POLR3B: variants seen among roughly 807,000 people sequenced by gnomAD.
POLR3B encodes the protein RNA polymerase III subunit B.
POLR3B carries 96 observed loss-of-function variants against 147.4 expected under a neutral mutation model. The ratio of observed to expected loss-of-function variants is 0.65; its 90% confidence interval spans 0.55 to 0.77. The LOEUF is 0.77. Ranked by LOEUF, POLR3B falls within the 30% of genes least tolerant of loss-of-function variation. POLR3B has a pLI of 0.00. For missense variants in POLR3B, 1,036 were observed against 1,413.5 expected, an observed-to-expected ratio of 0.73 and a Z score of 4.28; for synonymous variants, 461 against 485.9, an observed-to-expected ratio of 0.95 and a Z score of 0.67.
chr12:106,464,201 C>T (rs11113003), intron 23 of POLR3B, among the ~76,000 whole-genome samples: 21,494 of 152,126 alleles, frequency 0.14, 1,923 homozygotes, highest in Non-Finnish European at 0.2. Flanking sequence ...CTCACTCATT[C>T]CTTTGATGGT....
At chr12:106,405,275 A>G (rs2037135064) in intron 10 of POLR3B, among the ~76,000 whole-genome samples, 1 of 152,108 alleles carries the variant, frequency 6.6e-6, no homozygotes, top group Non-Finnish European at 1.5e-5. Flanking sequence ...AAGCCTGCTA[A>G]GCGTATAATG....
intron 10 of POLR3B, among the ~76,000 whole-genome samples, chr12:106,401,658 A>T (rs551527372): frequency 6.6e-6 from 1 of 152,256 alleles, no homozygotes; most frequent in Non-Finnish European, 1.5e-5. Flanking sequence ...CTGGTTCAAC[A>T]TACACAAATC....
intron 22 of POLR3B, among the ~76,000 whole-genome samples, chr12:106,460,773 C>T (rs766805130): frequency 1.8e-4 from 27 of 152,186 alleles, no homozygotes; most frequent in Non-Finnish European, 3.1e-4. Flanking sequence ...GTCATCTTCT[C>T]TTTTATCCTC....
chr12:106,431,745 G>A (rs1204674647), intron 14 of POLR3B, among the ~76,000 whole-genome samples: 1 of 152,102 alleles, frequency 6.6e-6, no homozygotes, highest in African/African-American at 2.4e-5. Context: ...TTGTCCCACT[G>A]TTGTCTTTTT....
chr12:106,391,962 A>G (rs2036920011), intron 9 of POLR3B, among the ~76,000 whole-genome samples: 1 of 152,162 alleles, frequency 6.6e-6, no homozygotes, highest in Non-Finnish European at 1.5e-5. Flanking sequence ...CCTCACTTCT[A>G]AGAAGCTGAC....
At chr12:106,383,597 G>A (rs935169926) in intron 9 of POLR3B, among the ~76,000 whole-genome samples, 1 of 152,122 alleles carries the variant, frequency 6.6e-6, no homozygotes. Flanking sequence ...TGGTGGAGCT[G>A]TCACAACACA....
chr12:106,360,079 T>C lies in POLR3B; in HGVS notation c.72+2128T>C, dbSNP rs548832725. Among the ~76,000 whole-genome samples the C allele has an allele frequency of 6.6e-5, 10 of 152,326 alleles. No individual in the cohort carries two copies. The East Asian group carries it at 9.7e-4, about 15-fold the overall frequency. On this transcript the variant is annotated intron_variant, in intron 1 of 27. Transcript: ENST00000228347. Reference sequence around the variant, plus strand: ...AAGTCCTGAGTTCTTAATCTATGCATATCTGAAACTTCATTCCCACCGTTT... The same window carrying C: ...AAGTCCTGAGTTCTTAATCTATGCACATCTGAAACTTCATTCCCACCGTTT...
At chr12:106,501,254 G>T in intron 25 of POLR3B, 69 bp from the exon 26 acceptor site, 1 of 909,718 alleles carries the variant, frequency 1.1e-6, no homozygotes, top group Non-Finnish European at 1.9e-6. Flanking sequence ...GCCAGTGATG[G>T]GTCCAAAGGC....
intron 10 of POLR3B, among the ~76,000 whole-genome samples, chr12:106,398,126 T>C (rs1260837363): frequency 6.6e-6 from 1 of 152,158 alleles, no homozygotes; most frequent in African/African-American, 2.4e-5. Context: ...ATCGGGTCAC[T>C]CCCACCCTAA....
intron 23 of POLR3B, among the ~76,000 whole-genome samples, chr12:106,471,597 G>A (rs969975009): frequency 3.9e-5 from 6 of 151,942 alleles, no homozygotes; most frequent in African/African-American, 1.2e-4. Context: ...GGCCATCTTG[G>A]ATGCAGTCAG....
At chr12:106,453,731 A>G (rs1565901207) in intron 19 of POLR3B, among the ~76,000 whole-genome samples, 1 of 152,128 alleles carries the variant, frequency 6.6e-6, no homozygotes, top group African/African-American at 2.4e-5. Flanking sequence ...TATAAGGGGA[A>G]ATGAGAGAAA....
chr12:106,439,396 T>A (rs987401520), intron 18 of POLR3B, among the ~76,000 whole-genome samples: 3 of 152,042 alleles, frequency 2.0e-5, no homozygotes, highest in East Asian at 1.9e-4. Context: ...AAAACTTTTC[T>A]GTTTTCTGCT....
chr12:106,380,679 G>A (rs1380905646), intron 9 of POLR3B, among the ~76,000 whole-genome samples: 3 of 152,180 alleles, frequency 2.0e-5, no homozygotes, highest in Admixed American at 6.5e-5. Context: ...AGCCCAGGAA[G>A]TCAAGGCTGC....
chr12:106,437,126 G>T lies in POLR3B; in HGVS notation c.1851G>T (p.Gly617=), dbSNP rs1322744228. The T allele has an allele frequency of 6.2e-7, 1 of 1,609,572 alleles. No homozygotes were observed. The highest frequency in any genetic ancestry group is 2.2e-5 in the East Asian group (1 of 44,768). ...TNKHMEELAQ[G]YRNFEDFLHE... ...AACATATGGAAGAGCTGGCCCAAGG[G>T]TACAGGTAAGTAGCCAAAAGTAAAA... The change falls in exon 17 of 28, where the codon GGG becomes GGT. Residue 617 remains glycine (G), a synonymous_variant. Transcript: ENST00000228347.
At position 106,482,550 on chromosome 12, in the gene POLR3B, T is replaced by C. The variant is rs1191667530; in HGVS notation, c.2714-13505T>C. 2.0e-5 allele frequency among the ~76,000 whole-genome samples: 3 copies of C among 152,250 alleles called. No individual in the cohort carries two copies. The East Asian group carries it at 5.8e-4, about 29-fold the overall frequency. ...TACACACTTTAAAACAACCAGTTCC[T>C]GTGAGAACTCACTCACTATCATGAG... On this transcript the variant is annotated intron_variant, in intron 23 of 27. Transcript: ENST00000228347.
At chr12:106,399,223 A>C (rs2037026246) in intron 10 of POLR3B, among the ~76,000 whole-genome samples, 1 of 152,246 alleles carries the variant, frequency 6.6e-6, no homozygotes, top group Non-Finnish European at 1.5e-5. Context: ...AAGAAAGGCT[A>C]TCAGTGATGG....
At position 106,366,580 on chromosome 12, in the gene POLR3B, T is replaced by C. The variant is rs757656808; in HGVS notation, c.162+8T>C. On this transcript the variant is annotated splice_region_variant and intron_variant, in intron 3 of 27. Transcript: ENST00000228347. ...TATTTCATTAATGTAGAGGTAAGCA[T>C]CAGATGTTAGAAATAGACATAAACT... 4 of 1,604,758 alleles carry C rather than the reference T, an allele frequency of 2.5e-6. No individual in the cohort carries two copies. The highest frequency in any genetic ancestry group is 3.3e-5 in the Admixed American group (2 of 60,006).
chr12:106,491,600 AAGG>A (rs1244776184), intron 23 of POLR3B, among the ~76,000 whole-genome samples: 1 of 152,196 alleles, frequency 6.6e-6, no homozygotes, highest in Non-Finnish European at 1.5e-5. Context: ...CAGAAAGTAA[AAGG>A]AGGTAATTTA....
At chr12:106,358,091 C>T in intron 1 of POLR3B, 140 bp downstream of exon 1, 1 of 1,522,658 alleles carries the variant, frequency 6.6e-7, no homozygotes, top group Admixed American at 2.0e-5. Context: ...CAGAGCGTCG[C>T]GCTTGCGAGT....
Sources: allele counts gnomAD v4.1 joint callset (sites outside exome capture counted in the v4.1 genomes callset), GRCh38; gene constraint gnomAD v4.1.1; transcripts MANE v1.5; gene names NCBI Gene and HGNC (gene_info 2026-07-23, HGNC 2026-07-21).